Variants in LMNB1 observed in about 807,000 individuals in gnomAD.
LMNB1 encodes lamin-B1.
A neutral mutation model predicts 67.1 loss-of-function variants in LMNB1; 23 were observed. The observed-to-expected ratio is 0.34, with a 90% CI of 0.25 to 0.49. The LOEUF (loss-of-function observed/expected upper bound fraction) is 0.49, where lower values mean the gene tolerates loss of function less well. LMNB1 is among the 20% of genes least tolerant of loss of function. The pLI is 0.99. For missense variants in LMNB1, 634 were observed against 746.5 expected, an observed-to-expected ratio of 0.85 and a Z score of 1.76; for synonymous variants, 281 against 282.9, an observed-to-expected ratio of 0.99 and a Z score of 0.07.
intron 9 of LMNB1, among the ~76,000 whole-genome samples, chr5:126,830,000 A>C (rs556481652): frequency 1.6e-4 from 24 of 151,772 alleles, no homozygotes; most frequent in African/African-American, 5.8e-4. Context: ...ACTTTCCAGA[A>C]TATAGATATA....
At chr5:126,831,490 A>C (rs985076221) in intron 9 of LMNB1, among the ~76,000 whole-genome samples, 1 of 152,252 alleles carries the variant, frequency 6.6e-6, no homozygotes, top group African/African-American at 2.4e-5. Flanking sequence ...CTATTTCTGT[A>C]CAGAATACAT....
At chr5:126,780,051 G>A (rs1750586299) in intron 1 of LMNB1, among the ~76,000 whole-genome samples, 1 of 151,048 alleles carries the variant, frequency 6.6e-6, no homozygotes, top group African/African-American at 2.4e-5. Context: ...AAAAATCCGG[G>A]CGTGGTGGCG....
intron 2 of LMNB1, 55 bp downstream of exon 2, chr5:126,804,987 C>G (rs1751382993): frequency 7.1e-7 from 1 of 1,412,802 alleles, no homozygotes; most frequent in Non-Finnish European, 9.7e-7. Context: ...CCTCATCTGC[C>G]TTAAGCCATA....
chr5:126,812,948 C>G (rs913890861), intron 5 of LMNB1, among the ~76,000 whole-genome samples: 4 of 152,076 alleles, frequency 2.6e-5, no homozygotes, highest in African/African-American at 4.8e-5. Context: ...CCAGGATGGT[C>G]TCGATCTCCT....
intron 1 of LMNB1, among the ~76,000 whole-genome samples, chr5:126,798,879 G>A (rs2112946066): frequency 6.6e-6 from 1 of 152,172 alleles, no homozygotes; most frequent in Middle Eastern, 3.4e-3. Context: ...CCCTCAAAGG[G>A]TTTACAGTCT....
intron 6 of LMNB1, among the ~76,000 whole-genome samples, chr5:126,820,096 T>G (rs898547091): frequency 5.9e-5 from 9 of 151,952 alleles, no homozygotes; most frequent in Admixed American, 4.6e-4. Flanking sequence ...GAGCCAAGAT[T>G]GTGCCATTGC....
At chr5:126,779,909 G>A (rs940833129) in intron 1 of LMNB1, among the ~76,000 whole-genome samples, 24 of 152,312 alleles carry the variant, frequency 1.6e-4, no homozygotes, top group African/African-American at 4.8e-4. Flanking sequence ...GCATGCATCT[G>A]TAGTCTCAGC....
intron 3 of LMNB1, among the ~76,000 whole-genome samples, chr5:126,807,558 T>C (rs1256909892): frequency 6.6e-6 from 1 of 152,244 alleles, no homozygotes; most frequent in Non-Finnish European, 1.5e-5. Flanking sequence ...CTTTGGATAC[T>C]GTAGCAAGTG....
At chr5:126,808,711 T>C (rs1751512665) in intron 3 of LMNB1, among the ~76,000 whole-genome samples, 1 of 152,156 alleles carries the variant, frequency 6.6e-6, no homozygotes, top group Non-Finnish European at 1.5e-5. Context: ...AGAATCCTCC[T>C]GATTTTTCTG....
At chr5:126,819,836 C>G (rs1337261661) in intron 6 of LMNB1, among the ~76,000 whole-genome samples, 1 of 152,104 alleles carries the variant, frequency 6.6e-6, no homozygotes, top group Non-Finnish European at 1.5e-5. Context: ...ATTTTTGACA[C>G]CTGTTCTCAG....
intron 1 of LMNB1, among the ~76,000 whole-genome samples, chr5:126,799,414 G>T (rs2973892): frequency 0.69 from 104,629 of 152,108 alleles, 36,280 homozygotes; most frequent in Middle Eastern, 0.74. Context: ...GGGCTCACAA[G>T]GTAAGGACAG....
chr5:126,798,404 C>G (rs1010634246), intron 1 of LMNB1, among the ~76,000 whole-genome samples: 1 of 150,634 alleles, frequency 6.6e-6, no homozygotes, highest in Admixed American at 6.6e-5. Context: ...GAGCCGAGAT[C>G]GCGCTACTGC....
At chr5:126,835,613 T>A (rs1193821358) in intron 10 of LMNB1, among the ~76,000 whole-genome samples, 2 of 152,218 alleles carry the variant, frequency 1.3e-5, no homozygotes, top group East Asian at 3.8e-4. Flanking sequence ...ACATTAGAAT[T>A]ACTTTAAAAT....
intron 1 of LMNB1, among the ~76,000 whole-genome samples, chr5:126,778,537 G>A (rs182772567): frequency 6.6e-6 from 1 of 152,178 alleles, no homozygotes; most frequent in Admixed American, 6.6e-5. Flanking sequence ...AGCCAGCCCC[G>A]GGCAAGTTAG....
chr5:126,823,775 A>G (rs1751926003), intron 8 of LMNB1, among the ~76,000 whole-genome samples: 1 of 152,216 alleles, frequency 6.6e-6, no homozygotes, highest in Non-Finnish European at 1.5e-5. Context: ...AAAATATCAA[A>G]TGCTAATTTG....
Position 126,777,698 on chromosome 5 carries a change from G to C in LMNB1, c.190G>C (p.Val64Leu). Residue 64 changes from valine (V) to leucine (L), a missense_variant, in exon 1 of 11, where the codon GTG (valine) becomes CTG (leucine). Transcript: ENST00000261366. ...GGAGAACAGCGCGCTGCAGCTGCAG[G>C]TGACGGAGCGCGAGGAGGTGCGCGG... is the stretch of plus-strand genomic sequence containing the variant. ...ETENSALQLQ[V>L]TEREEVRGRE... 2 of 1,545,740 alleles carry C rather than the reference G, an allele frequency of 1.3e-6. No homozygotes were observed. Among genetic ancestry groups the C allele is most frequent in the Non-Finnish European group, 1.7e-6 (2 of 1,144,998 alleles).
At chr5:126,785,363 C>G (rs1181538113) in intron 1 of LMNB1, among the ~76,000 whole-genome samples, 1 of 151,186 alleles carries the variant, frequency 6.6e-6, no homozygotes, top group Non-Finnish European at 1.5e-5. Flanking sequence ...ACGATCTCAG[C>G]TCACTACAGC....
At chr5:126,803,571 A>G (rs897356342) in intron 1 of LMNB1, among the ~76,000 whole-genome samples, 1 of 134,358 alleles carries the variant, frequency 7.4e-6, no homozygotes, top group Middle Eastern at 5.2e-3. Flanking sequence ...TTTTGATACA[A>G]GGTCTCTCTC....
chr5:126,807,433 T>G lies in LMNB1; in HGVS notation c.642+1737T>G, dbSNP rs148990692. Among the ~76,000 whole-genome samples the G allele has an allele frequency of 3.5e-4, 54 of 152,346 alleles. 1 individual carries two copies. The highest frequency in any genetic ancestry group is 1.3e-3 in the African/African-American group (53 of 41,586). On this transcript the variant is annotated intron_variant, in intron 3 of 10. Coordinates refer to ENST00000261366, the MANE Select transcript of LMNB1 (RefSeq NM_005573.4). ...AGTGCAAGGTGCACCAGACAAGCAG[T>G]CAGACCTTGGACAACTCTTAGTGTC...
Sources: gnomAD v4.1 joint callset for allele counts (sites outside exome capture counted in the v4.1 genomes callset) on GRCh38, gnomAD v4.1.1 for gene constraint, MANE v1.5 for transcripts, NCBI Gene and HGNC (gene_info 2026-07-23, HGNC 2026-07-21) for gene names.